ITGB1: variants seen among roughly 807,000 people sequenced by gnomAD.
The protein encoded by ITGB1 is integrin beta-1.
Under a neutral mutation model 86.5 loss-of-function variants are expected in ITGB1, and 24 were observed. The ratio of observed to expected loss-of-function variants is 0.28; its 90% CI spans 0.20 to 0.39. ITGB1 has a LOEUF of 0.39. Among genes scored for constraint, ITGB1 ranks in the 10% least tolerant of loss-of-function variants. The pLI is 1.00. For synonymous variants in ITGB1, 323 were observed against 316.8 expected, an observed-to-expected ratio of 1.02 and a Z score of -0.21; for missense variants, 556 against 946.9, an observed-to-expected ratio of 0.59 and a Z score of 5.42.
chr10:32,903,118 G>A (rs996758596), intron 15 of ITGB1, among the ~76,000 whole-genome samples: 5 of 151,930 alleles, frequency 3.3e-5, no homozygotes, highest in African/African-American at 1.2e-4. Flanking sequence ...TTGAGAGGCC[G>A]AGGTGGGTGG....
chr10:32,904,952 G>A (rs535603455), intron 15 of ITGB1, among the ~76,000 whole-genome samples: 1 of 151,568 alleles, frequency 6.6e-6, no homozygotes, highest in African/African-American at 2.4e-5. Context: ...ACCTCAGTAG[G>A]ACAGAAATTT....
At chr10:32,939,684 T>C (rs2095013146) in intron 1 of ITGB1, among the ~76,000 whole-genome samples, 1 of 151,992 alleles carries the variant, frequency 6.6e-6, no homozygotes, top group Non-Finnish European at 1.5e-5. Flanking sequence ...TGAATATAGC[T>C]TGCAGGACTG....
intron 11 of ITGB1, among the ~76,000 whole-genome samples, chr10:32,913,004 A>T (rs2094918491): frequency 6.6e-6 from 1 of 152,202 alleles, no homozygotes; most frequent in Admixed American, 6.5e-5. Context: ...CCATTCTGCA[A>T]TATTTGCTGT....
At chr10:32,946,836 A>G (rs2095032435) in intron 1 of ITGB1, among the ~76,000 whole-genome samples, 1 of 143,454 alleles carries the variant, frequency 7.0e-6, no homozygotes, top group African/African-American at 2.5e-5. Flanking sequence ...TTTTTAAAAG[A>G]ATTATAGTAA....
In ITGB1 at chr10:32,920,264, T is replaced by C. The variant is rs372397463; in HGVS notation, c.1250A>G (p.Asn417Ser). Reference protein sequence around the residue: ...GTGENGRKCSNISIGDEVQFE... With the variant: ...GTGENGRKCSSISIGDEVQFE... ...ACATACCTCATCTCCAATGGAAATA[T>C]TGGAACATTTTCTTCCATTTTCCCC... is the stretch of plus-strand genomic sequence containing the variant. Residue 417 changes from asparagine (N) to serine (S), a missense_variant, in exon 10 of 16, where the codon AAT (asparagine) becomes AGT (serine). Transcript: ENST00000302278. The C allele has an allele frequency of 3.8e-5, 61 of 1,613,446 alleles. 1 individual carries two copies. The Middle Eastern group carries it at 2.0e-3, about 52-fold the overall frequency.
intron 2 of ITGB1, among the ~76,000 whole-genome samples, chr10:32,933,831 A>C (rs1047398820): frequency 9.2e-5 from 14 of 152,176 alleles, no homozygotes; most frequent in African/African-American, 2.9e-4. Flanking sequence ...TATTCTTATC[A>C]TCACAAATTC....
chr10:32,902,549 G>T (rs536971036), intron 15 of ITGB1, among the ~76,000 whole-genome samples: 76 of 152,230 alleles, frequency 5.0e-4, no homozygotes, highest in African/African-American at 1.8e-3. Flanking sequence ...CTTAATCAGA[G>T]AAAATTACAG....
intron 11 of ITGB1, among the ~76,000 whole-genome samples, chr10:32,913,352 G>A (rs559157010): frequency 1.2e-4 from 18 of 151,992 alleles, no homozygotes; most frequent in South Asian, 8.3e-4. Context: ...TCAGATAATC[G>A]GTAATAACAA....
chr10:32,956,412 T>A (rs1742958), intron 1 of ITGB1, among the ~76,000 whole-genome samples: 147,358 of 150,536 alleles, frequency 0.98, 72,126 homozygotes, highest in Non-Finnish European at 1. Context: ...AAAAAAAAAA[T>A]AAAAAAACCT....
intron 2 of ITGB1, 30 bp from the exon 3 acceptor site, chr10:32,932,630 T>C: frequency 1.0e-5 from 12 of 1,194,470 alleles, no homozygotes; most frequent in Non-Finnish European, 1.5e-5. Context: ...ACAGAACATT[T>C]TATGTGAAGT....
At chr10:32,934,824 T>C (rs563087670) in intron 2 of ITGB1, among the ~76,000 whole-genome samples, 1 of 152,290 alleles carries the variant, frequency 6.6e-6, no homozygotes, top group East Asian at 1.9e-4. Flanking sequence ...ACACAGAATG[T>C]TTTTGTTATT....
chr10:32,919,485 T>C (rs2094942041), intron 11 of ITGB1, among the ~76,000 whole-genome samples: 1 of 152,196 alleles, frequency 6.6e-6, no homozygotes, highest in Non-Finnish European at 1.5e-5. Context: ...TTCTACTGCT[T>C]CATAATTCCA....
At chr10:32,933,442 C>T (rs1157228470) in intron 2 of ITGB1, 2 of 152,162 alleles carry the variant, frequency 1.3e-5, no homozygotes, top group Non-Finnish European at 2.9e-5. Flanking sequence ...ATTTCTCAGG[C>T]TCTATGTTCA....
chr10:32,925,043 T>C (rs2094960664), intron 6 of ITGB1, among the ~76,000 whole-genome samples: 1 of 152,088 alleles, frequency 6.6e-6, no homozygotes, highest in Admixed American at 6.6e-5. Context: ...ATTAGCACCT[T>C]AGCAAAAATT....
chr10:32,905,043 TA>T (rs5784310), intron 15 of ITGB1, among the ~76,000 whole-genome samples: 81,966 of 142,312 alleles, frequency 0.58, 27,185 homozygotes, highest in Non-Finnish European at 0.74. Context: ...AAATATGTAT[TA>T]AAAAAAAAAA....
chr10:32,919,850 G>A, intron 11 of ITGB1, 35 bp downstream of exon 11: 2 of 1,581,980 alleles, frequency 1.3e-6, no homozygotes, highest in East Asian at 2.2e-5. Context: ...CTAAACCAAT[G>A]TAGCTCTGTC....
intron 11 of ITGB1, among the ~76,000 whole-genome samples, chr10:32,915,095 T>A (rs1383460746): frequency 1.3e-5 from 2 of 152,110 alleles, no homozygotes; most frequent in African/African-American, 4.8e-5. Context: ...AAGGCAGAAA[T>A]AAAGATGTTC....
intron 3 of ITGB1, 51 bp downstream of exon 3, chr10:32,932,464 A>G: frequency 3.1e-6 from 3 of 976,330 alleles, no homozygotes; most frequent in Non-Finnish European, 5.0e-6. Context: ...GCACTGAGCC[A>G]CACTAAATGA....
intron 15 of ITGB1, chr10:32,907,192 C>T: frequency 1.3e-6 from 1 of 768,636 alleles, no homozygotes; most frequent in Non-Finnish European, 2.0e-6. Flanking sequence ...AAAAAAAAAT[C>T]CCTTTATAGT....
Sources: allele counts gnomAD v4.1 joint callset (sites outside exome capture counted in the v4.1 genomes callset), GRCh38; gene constraint gnomAD v4.1.1; transcripts MANE v1.5; gene names NCBI Gene and HGNC (gene_info 2026-07-23, HGNC 2026-07-21).